The following ARFGEF1 variants were observed in gnomAD, a reference collection of about 807,000 sequenced individuals.
ARFGEF1 encodes the protein ARF guanine nucleotide exchange factor 1, also known as brefeldin A-inhibited guanine nucleotide-exchange protein 1.
In ARFGEF1, 42 loss-of-function variants were observed where a neutral mutation model predicts 231.0. The ratio of observed to expected loss-of-function variants is 0.18; its 90% CI spans 0.14 to 0.24. The LOEUF is 0.24. ARFGEF1 is among the 10% of genes least tolerant of loss of function. The pLI is 1.00. For synonymous variants in ARFGEF1, 710 were observed against 732.3 expected (o/e 0.97, Z 0.49); for missense variants, 1,345 against 2,192.0 (o/e 0.61, Z 7.72).
intron 29 of ARFGEF1, among the ~76,000 whole-genome samples, chr8:67,222,198 TATATATAC>T (rs1482950099): frequency 2.6e-4 from 37 of 140,510 alleles, no homozygotes; most frequent in African/African-American, 9.3e-4. Context: ...TATATATATA[TATATATAC>T]ACACACATAT....
In ARFGEF1 at chr8:67,277,399, C is replaced by T; in HGVS notation, c.1086G>A (p.Glu362=). The T allele has an allele frequency of 3.1e-6, 5 of 1,613,816 alleles. No individual in the cohort carries two copies. The highest frequency in any genetic ancestry group is 1.7e-4 in the Middle Eastern group (1 of 6,054). ...GAATATTTTCACTGTCACTACCATC[C>T]TCTATAGTTCCAATGTTGCCATCTG... is the stretch of plus-strand genomic sequence containing the variant. ...ASADGNIGTI[E]DGSDSENIQA... Residue 362 remains glutamate, a synonymous_variant, in exon 8 of 39, where the codon GAG becomes GAA. Coordinates refer to ENST00000262215, the MANE Select transcript of ARFGEF1 (RefSeq NM_006421.5).
downstream of ARFGEF1, chr8:67,175,006 T>G: frequency 3.0e-6 from 1 of 333,726 alleles, no homozygotes; most frequent in Non-Finnish European, 5.6e-6. Context: ...CTGGGTGGCA[T>G]CCTGGCAGGG....
At chr8:67,175,057 G>C, downstream of ARFGEF1, 2 of 440,270 alleles carry the variant, frequency 4.5e-6, no homozygotes, top group Non-Finnish European at 8.4e-6. Context: ...TCCACTGCTT[G>C]TTCTGGGGTA....
At chr8:67,263,210 G>T (rs1007905334) in intron 14 of ARFGEF1, among the ~76,000 whole-genome samples, 1 of 152,092 alleles carries the variant, frequency 6.6e-6, no homozygotes, top group Non-Finnish European at 1.5e-5. Context: ...CAGGCTTAAA[G>T]ATCCAATTCA....
At chr8:67,315,712 A>C (rs1807280708) in intron 1 of ARFGEF1, among the ~76,000 whole-genome samples, 1 of 152,200 alleles carries the variant, frequency 6.6e-6, no homozygotes, top group East Asian at 1.9e-4. Context: ...GAAATTAAAC[A>C]ACACACTTCT....
At chr8:67,300,861 A>C (rs897871797) in intron 3 of ARFGEF1, among the ~76,000 whole-genome samples, 1 of 151,834 alleles carries the variant, frequency 6.6e-6, no homozygotes, top group Admixed American at 6.6e-5. Flanking sequence ...TAAAAAAAAA[A>C]AAAACAGCAG....
intron 33 of ARFGEF1, among the ~76,000 whole-genome samples, chr8:67,213,164 G>A (rs1336989483): frequency 1.3e-5 from 2 of 152,180 alleles, no homozygotes; most frequent in East Asian, 3.8e-4. Flanking sequence ...ATACTTTTCT[G>A]TGAAATCTAA....
intron 5 of ARFGEF1, among the ~76,000 whole-genome samples, chr8:67,180,133 CA>C (rs1248665661): frequency 6.6e-6 from 1 of 151,960 alleles, no homozygotes; most frequent in Non-Finnish European, 1.5e-5. Flanking sequence ...GAATAGTTGA[CA>C]AACCTGTACA....
intron 5 of ARFGEF1, among the ~76,000 whole-genome samples, chr8:67,191,778 A>T (rs1836325941): frequency 6.6e-6 from 1 of 152,194 alleles, no homozygotes; most frequent in South Asian, 2.1e-4. Context: ...CCTAGAAGGA[A>T]ATTGTTGGGT....
At chr8:67,271,081 C>A (rs1481008948) in intron 10 of ARFGEF1, among the ~76,000 whole-genome samples, 3 of 144,906 alleles carry the variant, frequency 2.1e-5, no homozygotes. Context: ...GGTACACTTG[C>A]ACAACACATG....
intron 9 of ARFGEF1, 53 bp from the exon 10 acceptor site, chr8:67,271,989 A>G (rs1005329296): frequency 1.3e-5 from 15 of 1,124,176 alleles, no homozygotes; most frequent in Admixed American, 2.5e-5. Flanking sequence ...CATTATAGTA[A>G]TAACAGGTTG....
Position 67,301,320 on chromosome 8 carries a change from T to C in ARFGEF1, c.216A>G (p.Thr72=), listed in dbSNP as rs1806478415. The change falls in exon 3 of 39, where the codon ACA becomes ACG. Residue 72 remains threonine (T), a synonymous_variant. Transcript: ENST00000262215. ...AGTACTTGTCTGCTTCAATAAAATTTGTCTTTGATTTCACTGGTGGAAGGG... is the reference window on the plus strand; with the variant it reads ...AGTACTTGTCTGCTTCAATAAAATTCGTCTTTGATTTCACTGGTGGAAGGG... The part of the protein sequence containing the change: ...SSTLPPVKSK[T]NFIEADKYFL... 6.2e-7 allele frequency: 1 copy of C among 1,614,036 alleles called. No homozygotes were observed. Among genetic ancestry groups the C allele is most frequent in the Non-Finnish European group, 8.5e-7 (1 of 1,180,026 alleles).
chr8:67,190,585 G>T, intron 5 of ARFGEF1: 2 of 1,190,782 alleles, frequency 1.7e-6, no homozygotes, highest in South Asian at 1.2e-5. Flanking sequence ...AAAGGCTCTT[G>T]GTTTAGCTCT....
chr8:67,209,166 C>G (rs913637273), intron 34 of ARFGEF1, among the ~76,000 whole-genome samples: 1 of 152,172 alleles, frequency 6.6e-6, no homozygotes, highest in Non-Finnish European at 1.5e-5. Flanking sequence ...CTATTCATGA[C>G]AACTACAGGT....
intron 19 of ARFGEF1, among the ~76,000 whole-genome samples, chr8:67,241,305 A>G (rs2128879411): frequency 6.6e-6 from 1 of 152,318 alleles, no homozygotes; most frequent in Non-Finnish European, 1.5e-5. Flanking sequence ...ATTATATTTG[A>G]ACTGCCACTA....
chr8:67,276,499 C>T (rs543953867), intron 8 of ARFGEF1, among the ~76,000 whole-genome samples: 1 of 152,080 alleles, frequency 6.6e-6, no homozygotes, highest in East Asian at 1.9e-4. Context: ...TTTTTTCTCT[C>T]ACTCTGGGCA....
intron 1 of ARFGEF1, among the ~76,000 whole-genome samples, chr8:67,318,239 G>GAA (rs34563091): frequency 1.2e-3 from 91 of 78,184 alleles, no homozygotes; most frequent in Middle Eastern, 6.4e-3. Flanking sequence ...TCCGTCTCAA[G>GAA]AAAAAAAAAA....
intron 18 of ARFGEF1, 84 bp from the exon 19 acceptor site, chr8:67,251,534 C>T (rs778723276): frequency 1.3e-5 from 16 of 1,264,382 alleles, no homozygotes; most frequent in African/African-American, 1.5e-5. Context: ...ATAATAAACA[C>T]CACCAGTAAT....
rs1225435537 is a variant in ARFGEF1, at chr8:67,299,320, A to G, written c.348T>C (p.Ala116=). The part of the protein sequence containing the change: ...LIAYGHLTGN[A]PDSTTPGKKL... Reference sequence around the variant, plus strand: ...TTTTGCCTGGTGTTGTACTATCTGGAGCATTGCCAGTCAAGTGCCCATAAG... The same window carrying G: ...TTTTGCCTGGTGTTGTACTATCTGGGGCATTGCCAGTCAAGTGCCCATAAG... The change falls in exon 4 of 39, where the codon GCT becomes GCC. Residue 116 remains alanine (A), a synonymous_variant. Transcript: ENST00000262215. 1.2e-6 allele frequency: 2 copies of G among 1,608,180 alleles called. No homozygotes were observed. The highest frequency in any genetic ancestry group is 1.7e-6 in the Non-Finnish European group (2 of 1,178,506).
Sources: allele counts gnomAD v4.1 joint callset (sites outside exome capture counted in the v4.1 genomes callset), GRCh38; gene constraint gnomAD v4.1.1; transcripts MANE v1.5; gene names NCBI Gene and HGNC (gene_info 2026-07-23, HGNC 2026-07-21).